The following NXPE2 variants were observed in gnomAD, a reference collection of about 807,000 sequenced individuals.
NXPE2 encodes NXPE family member 2.
NXPE2 carries 34 observed loss-of-function variants against 34.4 expected under a neutral mutation model. That is an observed-to-expected ratio of 0.99 (90% CI 0.75 to 1.31). The LOEUF is 1.31. Among genes scored for constraint, NXPE2 ranks in the 40% most tolerant of loss-of-function variants. NXPE2 has a pLI of 0.00. For synonymous variants in NXPE2, 235 were observed against 231.3 expected (o/e 1.02, Z -0.15); for missense variants, 649 against 672.5 (o/e 0.97, Z 0.39).
the NXPE2 span, among the ~76,000 whole-genome samples, chr11:114,786,361 G>GCC: frequency 9.4e-6 from 1 of 106,848 alleles, no homozygotes; most frequent in Admixed American, 1.1e-4. Context: ...TTCTACCCCC[G>GCC]CCCCCCGCCC....
chr11:114,759,378 G>A, the NXPE2 span, among the ~76,000 whole-genome samples: 1 of 152,144 alleles, frequency 6.6e-6, no homozygotes, highest in Non-Finnish European at 1.5e-5. Context: ...TCTGTAAAAT[G>A]GGGATAATAA....
At chr11:114,727,094 C>T in the NXPE2 span, among the ~76,000 whole-genome samples, 3 of 152,060 alleles carry the variant, frequency 2.0e-5, no homozygotes, top group Non-Finnish European at 4.4e-5. Context: ...AAGCCACTTC[C>T]ACATTTTTGG....
the NXPE2 span, among the ~76,000 whole-genome samples, chr11:114,717,026 A>C: frequency 2.0e-4 from 31 of 152,192 alleles, no homozygotes; most frequent in Admixed American, 5.9e-4. Context: ...TGTAAAAATA[A>C]AACAAAGATT....
chr11:114,809,998 G>C, the NXPE2 span, among the ~76,000 whole-genome samples: 1 of 150,762 alleles, frequency 6.6e-6, no homozygotes, highest in South Asian at 2.1e-4. Flanking sequence ...CAGAGATATA[G>C]ACCAATGGAA....
chr11:114,580,411 A>C, the NXPE2 span: 2 of 1,247,694 alleles, frequency 1.6e-6, no homozygotes, highest in Non-Finnish European at 2.3e-6. Context: ...AGAGCCTTCT[A>C]TCCTCTAAGT....
the NXPE2 span, among the ~76,000 whole-genome samples, chr11:114,477,081 G>C: frequency 4.6e-5 from 7 of 152,150 alleles, no homozygotes; most frequent in African/African-American, 1.7e-4. Context: ...CAGGTGATTA[G>C]ATAAATATAT....
the NXPE2 span, among the ~76,000 whole-genome samples, chr11:114,471,994 C>A: frequency 2.6e-5 from 4 of 152,136 alleles, no homozygotes; most frequent in Admixed American, 2.6e-4. Flanking sequence ...ACTTTGATCC[C>A]TTTAATCCCC....
At chr11:114,809,679 G>T in the NXPE2 span, among the ~76,000 whole-genome samples, 1 of 147,170 alleles carries the variant, frequency 6.8e-6, no homozygotes, top group Admixed American at 6.9e-5. Context: ...CACTGCTCAA[G>T]GAAATAAAAG....
the NXPE2 span, among the ~76,000 whole-genome samples, chr11:114,572,682 A>C: frequency 6.6e-6 from 1 of 152,188 alleles, no homozygotes; most frequent in African/African-American, 2.4e-5. Flanking sequence ...GATTTTAAAA[A>C]ATGAACAAAG....
chr11:114,514,391 C>CTTTA, the NXPE2 span, among the ~76,000 whole-genome samples: 2 of 151,958 alleles, frequency 1.3e-5, no homozygotes, highest in African/African-American at 4.8e-5. Context: ...TAGTGATTAT[C>CTTTA]TTTCTTTCTT....
the NXPE2 span, among the ~76,000 whole-genome samples, chr11:114,598,446 C>G: frequency 2.1e-4 from 32 of 152,360 alleles, no homozygotes; most frequent in South Asian, 6.2e-4. Context: ...CACATTGTCC[C>G]TCCACACTGC....
chr11:114,557,732 C>T, the NXPE2 span, among the ~76,000 whole-genome samples: 1 of 146,276 alleles, frequency 6.8e-6, no homozygotes, highest in Non-Finnish European at 1.5e-5. Flanking sequence ...TCTTCTTTGC[C>T]GTTCTCTACT....
chr11:114,730,232 G>C, the NXPE2 span, among the ~76,000 whole-genome samples: 5 of 151,908 alleles, frequency 3.3e-5, no homozygotes, highest in Admixed American at 2.6e-4. Flanking sequence ...CTTTATTTCT[G>C]GGTTCTCTAT....
At chr11:114,796,994 G>A in the NXPE2 span, among the ~76,000 whole-genome samples, 1 of 152,324 alleles carries the variant, frequency 6.6e-6, no homozygotes, top group South Asian at 2.1e-4. Context: ...AGCACAGAAA[G>A]CTGGAGATGT....
the NXPE2 span, among the ~76,000 whole-genome samples, chr11:114,534,662 A>C: frequency 6.6e-6 from 1 of 152,238 alleles, no homozygotes; most frequent in African/African-American, 2.4e-5. Flanking sequence ...AACCGATGTG[A>C]TCAACTGGAA....
intron 2 of NXPE2, among the ~76,000 whole-genome samples, chr11:114,697,130 T>C (rs1409202053): frequency 6.6e-6 from 1 of 152,180 alleles, no homozygotes; most frequent in African/African-American, 2.4e-5. Context: ...ACTAAAATCA[T>C]GAATAAGGAC....
chr11:114,734,303 C>T, the NXPE2 span, among the ~76,000 whole-genome samples: 1 of 152,098 alleles, frequency 6.6e-6, no homozygotes, highest in Non-Finnish European at 1.5e-5. Context: ...ATAGTAAATT[C>T]TTATAATTTA....
the NXPE2 span, among the ~76,000 whole-genome samples, chr11:114,635,008 T>C: frequency 6.6e-6 from 1 of 151,816 alleles, no homozygotes; most frequent in Non-Finnish European, 1.5e-5. Context: ...AAGAAAGTCA[T>C]TGGTAGCTTG....
the NXPE2 span, among the ~76,000 whole-genome samples, chr11:114,645,852 T>A: frequency 6.6e-6 from 1 of 152,100 alleles, no homozygotes; most frequent in Non-Finnish European, 1.5e-5. Context: ...AATTTGAGAG[T>A]ATAAAAATTA....
Sources: gnomAD v4.1 joint callset for allele counts (sites outside exome capture counted in the v4.1 genomes callset) on GRCh38, gnomAD v4.1.1 for gene constraint, MANE v1.5 for transcripts, NCBI Gene and HGNC (gene_info 2026-07-23, HGNC 2026-07-21) for gene names.